The following PTPN14 variants were observed in gnomAD, a reference collection of about 807,000 sequenced individuals.
PTPN14 encodes tyrosine-protein phosphatase non-receptor type 14.
In PTPN14, 53 loss-of-function variants were observed where a neutral mutation model predicts 126.8. That is an observed-to-expected ratio of 0.42 (90% CI 0.34 to 0.53). The LOEUF is 0.53. PTPN14 is among the 20% of genes least tolerant of loss of function. The probability of loss-of-function intolerance (pLI) is 0.08; values close to 1 mark genes in which losing one functional copy is unlikely to be tolerated. For missense variants in PTPN14, 1,257 were observed against 1,552.9 expected (o/e 0.81, Z 3.20); for synonymous variants, 630 against 599.3 (o/e 1.05, Z -0.75).
chr1:214,411,652 A>C (rs200881295), intron 5 of PTPN14, 32 bp downstream of exon 5: 1 of 1,400,920 alleles, frequency 7.1e-7, no homozygotes, highest in East Asian at 2.4e-5. Context: ...AGAAGGTAGA[A>C]AATTAATTAA....
chr1:214,498,296 T>G (rs1216775235), intron 1 of PTPN14, among the ~76,000 whole-genome samples: 2 of 152,142 alleles, frequency 1.3e-5, no homozygotes, highest in Non-Finnish European at 2.9e-5. Flanking sequence ...ACTGTAGAGA[T>G]TCATTCTAAT....
intron 1 of PTPN14, among the ~76,000 whole-genome samples, chr1:214,534,744 G>T (rs930254990): frequency 1.6e-4 from 5 of 32,018 alleles, no homozygotes; most frequent in African/African-American, 6.6e-4. Flanking sequence ...ATAAATAAAA[G>T]ACGGAATTAT....
intron 1 of PTPN14, among the ~76,000 whole-genome samples, chr1:214,493,988 G>C (rs929390818): frequency 6.6e-6 from 1 of 152,184 alleles, no homozygotes; most frequent in Admixed American, 6.5e-5. Context: ...CAAAGAAAGA[G>C]AACCAAAGAA....
intron 1 of PTPN14, among the ~76,000 whole-genome samples, chr1:214,512,708 T>C (rs6685189): frequency 0.37 from 56,880 of 152,088 alleles, 14,876 homozygotes; most frequent in African/African-American, 0.73. Context: ...GTATTATTTT[T>C]TGAGACAGCA....
intron 4 of PTPN14, among the ~76,000 whole-genome samples, chr1:214,412,923 G>A (rs889640963): frequency 4.6e-5 from 7 of 152,196 alleles, no homozygotes; most frequent in African/African-American, 2.4e-5. Flanking sequence ...GGGCTGGGGT[G>A]TAGTGAATTG....
intron 7 of PTPN14, 69 bp downstream of exon 7, chr1:214,401,616 A>C: frequency 7.3e-7 from 1 of 1,361,192 alleles, no homozygotes; most frequent in Non-Finnish European, 1.0e-6. Context: ...CACTGCTATC[A>C]ACAATGGTTT....
chr1:214,461,135 A>G (rs900138241), intron 2 of PTPN14, among the ~76,000 whole-genome samples: 87 of 40,040 alleles, frequency 2.2e-3, no homozygotes, highest in Middle Eastern at 0.012. Context: ...AAGTCTTAAA[A>G]GTAAAAATAA....
At chr1:214,533,172 C>A (rs1228956629) in intron 1 of PTPN14, 4 of 758,138 alleles carry the variant, frequency 5.3e-6, no homozygotes, top group Non-Finnish European at 6.8e-6. Context: ...TCCGCTACAC[C>A]CTGCAGATGG....
chr1:214,481,227 C>T (rs979235387), intron 1 of PTPN14, among the ~76,000 whole-genome samples: 4 of 152,082 alleles, frequency 2.6e-5, no homozygotes, highest in South Asian at 2.1e-4. Context: ...TAAAAACTGC[C>T]GGGCGCAGTG....
chr1:214,456,316 A>C (rs1660381831), intron 2 of PTPN14, among the ~76,000 whole-genome samples: 1 of 152,352 alleles, frequency 6.6e-6, no homozygotes, highest in East Asian at 1.9e-4. Context: ...TCCACATAAA[A>C]TATATGAATT....
chr1:214,388,499 C>T (rs557914911), intron 11 of PTPN14, among the ~76,000 whole-genome samples: 9 of 152,036 alleles, frequency 5.9e-5, no homozygotes, highest in Non-Finnish European at 7.4e-5. Context: ...CTCCGCCTCC[C>T]GGGTTCAAGA....
intron 3 of PTPN14, among the ~76,000 whole-genome samples, chr1:214,438,833 T>A (rs556456949): frequency 6.6e-6 from 1 of 152,296 alleles, no homozygotes; most frequent in Admixed American, 6.5e-5. Context: ...TTCTAGTATA[T>A]CTTTTCATTT....
chr1:214,424,838 C>T (rs892024308), intron 3 of PTPN14, among the ~76,000 whole-genome samples: 3 of 152,136 alleles, frequency 2.0e-5, no homozygotes, highest in Admixed American at 1.3e-4. Context: ...TGTGAGACAC[C>T]GTGCCCGGCC....
rs1660275476 is a variant in PTPN14, at chr1:214,451,699, GCACCCA to G, written c.344+100_344+105del. On this transcript the variant is annotated intron_variant, in intron 3 of 18. Coordinates refer to ENST00000366956, the MANE Select transcript of PTPN14 (RefSeq NM_005401.5). ...TTACCCTCTCCCCCACCACACACCC[GCACCCA>G]CACCCACACACCCCTAAATCTACCA... The G allele has an allele frequency of 3.1e-6, 4 of 1,306,768 alleles. No individual in the cohort carries two copies. The East Asian group carries it at 7.3e-5, about 24-fold the overall frequency. The allele number at this position is 1,306,768 out of a possible 1,614,324, so 80.9% of individuals were successfully genotyped here.
At chr1:214,405,970 A>G (rs76499083) in intron 5 of PTPN14, among the ~76,000 whole-genome samples, 1,561 of 152,264 alleles carry the variant, frequency 0.01, 35 homozygotes, top group African/African-American at 0.036. Flanking sequence ...GAGATTGCCA[A>G]CCACAGGTCA....
At chr1:214,397,133 T>C (rs1026246933) in intron 8 of PTPN14, among the ~76,000 whole-genome samples, 1 of 152,196 alleles carries the variant, frequency 6.6e-6, no homozygotes, top group African/African-American at 2.4e-5. Context: ...AATGACCTGC[T>C]GTGGTTACTG....
rs545925884 is a variant in PTPN14, at chr1:214,432,353, C to T, written c.345-17627G>A. Among the ~76,000 whole-genome samples the T allele has an allele frequency of 5.9e-5, 9 of 152,210 alleles. No individual in the cohort carries two copies. The South Asian group carries it at 1.2e-3, about 21-fold the overall frequency. On this transcript the variant is annotated intron_variant, in intron 3 of 18. Coordinates refer to ENST00000366956, the MANE Select transcript of PTPN14 (RefSeq NM_005401.5). ...AAAGAAAGAAAAAAGAAACATAAGA[C>T]CAAGTATTTAAGATTTCTCAGCCTT...
At chr1:214,490,577 C>T (rs1661206848) in intron 1 of PTPN14, among the ~76,000 whole-genome samples, 1 of 151,886 alleles carries the variant, frequency 6.6e-6, no homozygotes. Flanking sequence ...TGGCTCACAC[C>T]TGTAATCTCA....
At chr1:214,396,152 T>C (rs1288557155) in intron 8 of PTPN14, among the ~76,000 whole-genome samples, 1 of 152,202 alleles carries the variant, frequency 6.6e-6, no homozygotes, top group African/African-American at 2.4e-5. Flanking sequence ...TAATATTGTC[T>C]CTTAGCTGTA....
Sources: gnomAD v4.1 joint callset for allele counts (sites outside exome capture counted in the v4.1 genomes callset) on GRCh38, gnomAD v4.1.1 for gene constraint, MANE v1.5 for transcripts, NCBI Gene and HGNC (gene_info 2026-07-23, HGNC 2026-07-21) for gene names.